The following EFR3B variants were observed in gnomAD, a reference collection of about 807,000 sequenced individuals.
The protein encoded by EFR3B is EFR3 homolog B.
EFR3B carries 64 observed loss-of-function variants against 104.7 expected under a neutral mutation model. That is an observed-to-expected ratio of 0.61 (90% CI 0.50 to 0.75). EFR3B has a LOEUF of 0.75. Ranked by LOEUF, EFR3B falls within the 30% of genes least tolerant of loss-of-function variation. EFR3B has a pLI of 0.00. For missense variants in EFR3B, 750 were observed against 1,078.5 expected, an observed-to-expected ratio of 0.70 and a Z score of 4.27; for synonymous variants, 385 against 417.9, an observed-to-expected ratio of 0.92 and a Z score of 0.96.
chr2:25,080,354 G>A, intron 1 of EFR3B: 2 of 581,766 alleles, frequency 3.4e-6, no homozygotes, highest in South Asian at 2.2e-5. Flanking sequence ...GAGTGCAGTG[G>A]CACCATCTCG....
chr2:25,132,007 A>C, intron 10 of EFR3B, 96 bp downstream of exon 10: 11 of 212,664 alleles, frequency 5.2e-5, no homozygotes, highest in Non-Finnish European at 5.8e-5. Flanking sequence ...CTCAAGACTG[A>C]GGCGCAGGGC....
rs1392729809 is a variant in EFR3B at position 25,090,240 on chromosome 2, G to GC, written c.8-1079dup. Among the ~76,000 whole-genome samples the GC allele has an allele frequency of 4.6e-5, 7 of 152,254 alleles. No homozygotes were observed. The East Asian group carries it at 1.2e-3, about 25-fold the overall frequency. On this transcript the variant is annotated intron_variant, in intron 1 of 22. Transcript: ENST00000403714. ...GGAGGGAGGAGGTGGACTTTCCCAG[G>GC]CCCCCCGGGCCCCTCCCTGAAGTCC...
rs1251080706 is a variant in EFR3B, at chr2:25,131,533, G to C, written c.985+30G>C. ...GGGGCATGGCTAGGGCCTGAGGGCC[G>C]GGGACCCCGCGGAGGCTGCCGCCTC... On this transcript the variant is annotated intron_variant, in intron 9 of 22. Coordinates refer to ENST00000403714, the MANE Select transcript of EFR3B (RefSeq NM_014971.2). The surrounding 1 kb of genome is among the most constrained non-coding windows in gnomAD (Gnocchi z 7.6). The C allele has an allele frequency of 1.3e-6, 2 of 1,545,096 alleles. No homozygotes were observed. The highest frequency in any genetic ancestry group is 1.7e-6 in the Non-Finnish European group (2 of 1,144,766).
intron 3 of EFR3B, among the ~76,000 whole-genome samples, chr2:25,096,968 C>A (rs1440611290): frequency 6.6e-6 from 1 of 152,136 alleles, no homozygotes; most frequent in African/African-American, 2.4e-5. Flanking sequence ...ACTGTGCATG[C>A]TGATTATATT....
At chr2:25,105,398 G>A (rs1272597714) in intron 4 of EFR3B, among the ~76,000 whole-genome samples, 3 of 152,176 alleles carry the variant, frequency 2.0e-5, no homozygotes, top group Admixed American at 1.3e-4. Context: ...TGATTCACCC[G>A]CCTCAGCCTC....
intron 12 of EFR3B, among the ~76,000 whole-genome samples, chr2:25,133,791 T>C (rs1410262293): frequency 6.6e-6 from 1 of 152,354 alleles, no homozygotes; most frequent in East Asian, 1.9e-4. Flanking sequence ...CTGTGTCCCC[T>C]GTTTTGCCAG....
intron 1 of EFR3B, among the ~76,000 whole-genome samples, chr2:25,076,853 G>A (rs998329322): frequency 5.3e-5 from 8 of 152,150 alleles, no homozygotes; most frequent in Admixed American, 2.0e-4. Context: ...AAAAGGTCAG[G>A]CCACTGACAG....
At chr2:25,080,594 C>G in intron 1 of EFR3B, 1 of 533,940 alleles carries the variant, frequency 1.9e-6, no homozygotes. Flanking sequence ...ACTCCTGGCC[C>G]CTGAAGTTTT....
chr2:25,042,211 C>T lies in EFR3B; in HGVS notation c.-102C>T. The T allele has an allele frequency of 8.5e-7, 1 of 1,174,872 alleles. No homozygotes were observed. Among genetic ancestry groups the T allele is most frequent in the Non-Finnish European group, 1.1e-6 (1 of 938,186 alleles). 72.8% of individuals were successfully genotyped at this position (1,174,872 alleles called of 1,614,324 possible). A position where few individuals can be genotyped will look rare whatever the true frequency, so the allele number is the denominator to read the frequency against. On this transcript the variant is annotated 5_prime_UTR_variant, in exon 1 of 23. Transcript: ENST00000403714. This position sits in a 1 kb window ranked among gnomAD's most constrained non-coding sequence, Gnocchi z 5.4. ...CCGCCCGGGCCCCTGTCGGCCGCCGCCAGTCCCCGCCCCGACTGTGAATGA... is the reference window on the plus strand; with the variant it reads ...CCGCCCGGGCCCCTGTCGGCCGCCGTCAGTCCCCGCCCCGACTGTGAATGA...
intron 1 of EFR3B, among the ~76,000 whole-genome samples, chr2:25,085,881 T>C (rs1159166410): frequency 1.3e-5 from 2 of 151,492 alleles, no homozygotes; most frequent in African/African-American, 4.9e-5. Flanking sequence ...TGGAGCCTTT[T>C]TCTGGGAAAT....
intron 1 of EFR3B, among the ~76,000 whole-genome samples, chr2:25,054,202 A>T (rs1667958258): frequency 6.6e-6 from 1 of 152,186 alleles, no homozygotes. Context: ...AAGTGGGATA[A>T]TTAGTCTGCC....
intron 1 of EFR3B, among the ~76,000 whole-genome samples, chr2:25,055,757 T>C (rs1667999261): frequency 7.5e-6 from 1 of 133,202 alleles, no homozygotes; most frequent in South Asian, 2.8e-4. Flanking sequence ...TCCTAGCACC[T>C]TATAGCTGCT....
chr2:25,059,572 C>CGGGGGGGGGGGGGGG (rs56219617), intron 1 of EFR3B, among the ~76,000 whole-genome samples: 1 of 60,254 alleles, frequency 1.7e-5, no homozygotes, highest in Non-Finnish European at 3.3e-5. Flanking sequence ...CCAGGGACTG[C>CGGGGGGGGGGGGGGG]GGGGGGGGGG....
chr2:25,043,878 G>A, intron 1 of EFR3B, among the ~76,000 whole-genome samples: 1 of 152,154 alleles, frequency 6.6e-6, no homozygotes, highest in East Asian at 1.9e-4. Context: ...AAGGAGTTAG[G>A]ACAGGCTCAT....
At chr2:25,095,514 G>C (rs1286093403) in intron 3 of EFR3B, among the ~76,000 whole-genome samples, 1 of 152,090 alleles carries the variant, frequency 6.6e-6, no homozygotes, top group African/African-American at 2.4e-5. Context: ...TGGTCAACAT[G>C]GTGAAACCTC....
intron 5 of EFR3B, among the ~76,000 whole-genome samples, chr2:25,125,258 T>A (rs1670132269): frequency 6.6e-6 from 1 of 152,196 alleles, no homozygotes; most frequent in African/African-American, 2.4e-5. Flanking sequence ...AATTCACATG[T>A]ACACATAAGG....
At position 25,150,786 on chromosome 2, in the gene EFR3B, T is replaced by A. The variant is rs546978208; in HGVS notation, c.2191+1044T>A. On this transcript the variant is annotated intron_variant, in intron 20 of 22. Transcript: ENST00000403714. ...CCACCACACCCGGCTAATTTTTGTA[T>A]TTTTAGTAGAGACAGGGTTTCACCA... Among the ~76,000 whole-genome samples, 11 of 152,198 alleles carry A rather than the reference T, an allele frequency of 7.2e-5. No individual in the cohort carries two copies. In the South Asian group the frequency reaches 8.3e-4, roughly 11 times the overall value.
intron 4 of EFR3B, among the ~76,000 whole-genome samples, chr2:25,113,241 C>G (rs1369384494): frequency 6.6e-6 from 1 of 152,088 alleles, no homozygotes; most frequent in Non-Finnish European, 1.5e-5. Context: ...AAAAACAAAA[C>G]CAAATAACCA....
At chr2:25,056,970 G>A (rs35979767) in intron 1 of EFR3B, among the ~76,000 whole-genome samples, 14,245 of 152,176 alleles carry the variant, frequency 0.094, 876 homozygotes, top group East Asian at 0.24. Flanking sequence ...TTCACCATCC[G>A]TAAACTGGGA....
Sources: allele counts gnomAD v4.1 joint callset (sites outside exome capture counted in the v4.1 genomes callset), GRCh38; gene constraint gnomAD v4.1.1; non-coding constraint Gnocchi (gnomAD v3.1); transcripts MANE v1.5; gene names NCBI Gene and HGNC (gene_info 2026-07-23, HGNC 2026-07-21).